The following KCNQ1 variants were observed in gnomAD, a reference collection of about 807,000 sequenced individuals.
The protein encoded by KCNQ1 is potassium voltage-gated channel subfamily KQT member 1.
A neutral mutation model predicts 72.4 loss-of-function variants in KCNQ1; 49 were observed. The ratio of observed to expected loss-of-function variants is 0.68; its 90% CI spans 0.54 to 0.86. The LOEUF (loss-of-function observed/expected upper bound fraction) is 0.86, where lower values mean the gene tolerates loss of function less well. Among genes scored for constraint, KCNQ1 ranks in the 40% least tolerant of loss-of-function variants. The probability of loss-of-function intolerance (pLI) is 0.00; values close to 1 mark genes in which losing one functional copy is unlikely to be tolerated. For synonymous variants in KCNQ1, 450 were observed against 412.6 expected, an observed-to-expected ratio of 1.09 and a Z score of -1.10; for missense variants, 790 against 945.1, an observed-to-expected ratio of 0.84 and a Z score of 2.15.
Position 2,653,850 on chromosome 11 carries a change from C to G in KCNQ1, c.1394-8111C>G. The G allele has an allele frequency of 2.5e-6, 1 of 398,576 alleles. No homozygotes were observed. Among genetic ancestry groups the G allele is most frequent in the Non-Finnish European group, 4.4e-6 (1 of 226,078 alleles). 24.7% of individuals were successfully genotyped at this position (398,576 alleles called of 1,614,324 possible). On this transcript the variant is annotated intron_variant, in intron 10 of 15. Transcript: ENST00000155840. The surrounding 1 kb of genome is among the most constrained non-coding windows in gnomAD (Gnocchi z 5.3). Reference sequence around the variant, plus strand: ...CCCCTTTGGGGATGGCCAGAGGGTACCTAAACACTGCACACTAGGAGTGGG... The same window carrying G: ...CCCCTTTGGGGATGGCCAGAGGGTAGCTAAACACTGCACACTAGGAGTGGG...
rs555961833 is a variant in KCNQ1 at position 2,808,294 on chromosome 11, C to T, written c.1794+30257C>T. Among the ~76,000 whole-genome samples, 3 of 152,310 alleles carry T rather than the reference C, an allele frequency of 2.0e-5. No homozygotes were observed. Among genetic ancestry groups the T allele is most frequent in the Admixed American group, 6.5e-5 (1 of 15,298 alleles). ...CCAGTGGAAGATAATGGAGGTGTTA[C>T]GGGGATGGGCTAGAACTCGGTCCTG... On this transcript the variant is annotated intron_variant, in intron 15 of 15. Coordinates refer to ENST00000155840, the MANE Select transcript of KCNQ1 (RefSeq NM_000218.3). This position sits in a 1 kb window ranked among gnomAD's most constrained non-coding sequence, Gnocchi z 6.0.
intron 1 of KCNQ1, among the ~76,000 whole-genome samples, chr11:2,506,538 T>C (rs1254036223): frequency 6.6e-6 from 1 of 152,240 alleles, no homozygotes; most frequent in African/African-American, 2.4e-5. Flanking sequence ...TCTATTGTAT[T>C]CTTGAAACAA....
chr11:2,617,909 C>A lies in KCNQ1; in HGVS notation c.1393+29055C>A. The A allele has an allele frequency of 2.5e-6, 1 of 398,508 alleles. No individual in the cohort carries two copies. The allele number at this position is 398,508 out of a possible 1,614,324, so 24.7% of individuals were successfully genotyped here. A position where few individuals can be genotyped will look rare whatever the true frequency, so the allele number is the denominator to read the frequency against. On this transcript the variant is annotated intron_variant, in intron 10 of 15. Transcript: ENST00000155840. This position sits in a 1 kb window ranked among gnomAD's most constrained non-coding sequence, Gnocchi z 4.6. ...TATTTTCTTGTTATTGAGTTGTATGCATTCCTTATAAATTTTGGATATTAT... is the reference window on the plus strand; with the variant it reads ...TATTTTCTTGTTATTGAGTTGTATGAATTCCTTATAAATTTTGGATATTAT...
In KCNQ1 at chr11:2,698,844, C is replaced by T. The variant is rs535445132; in HGVS notation, c.1514+36763C>T. ...TGAGGCCCTACCTAAAACCACCATG[C>T]GGACTCCAGACCCGGACTGACTGGG... On this transcript the variant is annotated intron_variant, in intron 11 of 15. Transcript: ENST00000155840. The surrounding 1 kb of genome is among the most constrained non-coding windows in gnomAD (Gnocchi z 5.1). 12 of 398,790 alleles carry T rather than the reference C, an allele frequency of 3.0e-5. No homozygotes were observed. The South Asian group carries it at 1.1e-3, about 38-fold the overall frequency. 24.7% of individuals were successfully genotyped at this position (398,790 alleles called of 1,614,324 possible).
intron 10 of KCNQ1, chr11:2,641,178 A>G (rs1849570873): frequency 2.5e-6 from 1 of 398,398 alleles, no homozygotes; most frequent in Non-Finnish European, 4.4e-6. Context: ...CTTTAGATAA[A>G]TATCCAGTAG....
rs1851071414 is a variant in KCNQ1 at position 2,715,177 on chromosome 11, CCA to C, written c.1514+53097_1514+53098del. ...TCCCATGAACCTCAGCATGGGCACC[CCA>C]TGCCACCCGCTCCATTTACAGCCAA... On this transcript the variant is annotated intron_variant, in intron 11 of 15. Transcript: ENST00000155840. The surrounding 1 kb of genome is among the most constrained non-coding windows in gnomAD (Gnocchi z 4.9). 6.6e-6 allele frequency among the ~76,000 whole-genome samples: 1 copy of C among 152,158 alleles called. No individual in the cohort carries two copies. The highest frequency in any genetic ancestry group is 1.5e-5 in the Non-Finnish European group (1 of 68,018).
chr11:2,634,115 C>T lies in KCNQ1; in HGVS notation c.1394-27846C>T, dbSNP rs1028748565. On this transcript the variant is annotated intron_variant, in intron 10 of 15. Coordinates refer to ENST00000155840, the MANE Select transcript of KCNQ1 (RefSeq NM_000218.3). ...TTTAAGGATTGTGTTTTTGCTATTT[C>T]GGTGAAGATTGTCTTTGGTATTTTT... is the stretch of plus-strand genomic sequence containing the variant. The T allele has an allele frequency of 4.3e-4, 170 of 391,630 alleles. No homozygotes were observed. Among genetic ancestry groups the T allele is most frequent in the Middle Eastern group, 1.3e-3 (2 of 1,572 alleles). The allele number at this position is 391,630 out of a possible 1,614,324, so 24.3% of individuals were successfully genotyped here.
rs957727416 is a variant in KCNQ1 at position 2,695,161 on chromosome 11, GCA to G, written c.1514+33083_1514+33084del. 5.3e-5 allele frequency: 21 copies of G among 398,496 alleles called. No individual in the cohort carries two copies. Among genetic ancestry groups the G allele is most frequent in the Non-Finnish European group, 9.3e-5 (21 of 226,106 alleles). The allele number at this position is 398,496 out of a possible 1,614,324, so 24.7% of individuals were successfully genotyped here. A position where few individuals can be genotyped will look rare whatever the true frequency, so the allele number is the denominator to read the frequency against. On this transcript the variant is annotated intron_variant, in intron 11 of 15. Transcript: ENST00000155840. This position sits in a 1 kb window ranked among gnomAD's most constrained non-coding sequence, Gnocchi z 5.2. ...GTTGGTTCTTGGCTTTTGGGACTCT[GCA>G]CAGAGTTGATCACAGCCCTCAGCCT...
At chr11:2,743,011 T>C (rs528311546) in intron 11 of KCNQ1, among the ~76,000 whole-genome samples, 3 of 152,300 alleles carry the variant, frequency 2.0e-5, no homozygotes, top group African/African-American at 7.2e-5. Flanking sequence ...GGAGAGCAGC[T>C]TTTTTGCCTG....
At chr11:2,633,596 T>C in intron 10 of KCNQ1, 2 of 398,608 alleles carry the variant, frequency 5.0e-6, no homozygotes, top group Non-Finnish European at 8.8e-6. Flanking sequence ...TATCCTGTTT[T>C]CCCAACATGA....
rs1453188792 is a variant in KCNQ1 at position 2,562,422 on chromosome 11, G to C, written c.478-8206G>C. 2.0e-5 allele frequency among the ~76,000 whole-genome samples: 3 copies of C among 152,184 alleles called. No individual in the cohort carries two copies. Among genetic ancestry groups the C allele is most frequent in the African/African-American group, 7.2e-5 (3 of 41,442 alleles). ...CCCGGAGCCGAGGCTGGCTCTCTCTGTGGCTTATCAGGGCCGGGCCGGTGT... is the reference window on the plus strand; with the variant it reads ...CCCGGAGCCGAGGCTGGCTCTCTCTCTGGCTTATCAGGGCCGGGCCGGTGT... On this transcript the variant is annotated intron_variant, in intron 2 of 15. Coordinates refer to ENST00000155840, the MANE Select transcript of KCNQ1 (RefSeq NM_000218.3). This position sits in a 1 kb window ranked among gnomAD's most constrained non-coding sequence, Gnocchi z 7.5.
intron 2 of KCNQ1, among the ~76,000 whole-genome samples, chr11:2,552,719 C>T (rs992273667): frequency 8.0e-5 from 12 of 150,186 alleles, no homozygotes; most frequent in African/African-American, 2.8e-4. Flanking sequence ...GCCTCATGCA[C>T]GTCTTAGTAA....
In KCNQ1 at chr11:2,626,942, T is replaced by C. The variant is rs1384102288; in HGVS notation, c.1394-35019T>C. On this transcript the variant is annotated intron_variant, in intron 10 of 15. Coordinates refer to ENST00000155840, the MANE Select transcript of KCNQ1 (RefSeq NM_000218.3). The surrounding 1 kb of genome is among the most constrained non-coding windows in gnomAD (Gnocchi z 4.0). ...TTCCATGTGAATTTTAGGATGGGGT[T>C]TCTTCTTTCTGCAAATAACATCATT... is the stretch of plus-strand genomic sequence containing the variant. The C allele has an allele frequency of 1.3e-5, 5 of 398,486 alleles. No homozygotes were observed. The highest frequency in any genetic ancestry group is 2.2e-5 in the Non-Finnish European group (5 of 226,068). 24.7% of individuals were successfully genotyped at this position (398,486 alleles called of 1,614,324 possible).
chr11:2,661,818 A>G lies in KCNQ1; in HGVS notation c.1394-143A>G. On this transcript the variant is annotated intron_variant, in intron 10 of 15. Transcript: ENST00000155840. The surrounding 1 kb of genome is among the most constrained non-coding windows in gnomAD (Gnocchi z 5.9). ...AAACACCCACCCACCCCAACACCCA[A>G]CTATAAAACTGATTGTCAGGGCTGG... The G allele has an allele frequency of 1.9e-6, 2 of 1,036,532 alleles. No individual in the cohort carries two copies. The highest frequency in any genetic ancestry group is 2.9e-6 in the Non-Finnish European group (2 of 681,420). 64.2% of individuals were successfully genotyped at this position (1,036,532 alleles called of 1,614,324 possible).
At chr11:2,660,489 T>C in intron 10 of KCNQ1, 1 of 398,630 alleles carries the variant, frequency 2.5e-6, no homozygotes, top group Non-Finnish European at 4.4e-6. Context: ...GGAAGCTATC[T>C]ATGCCTCATA....
chr11:2,583,133 G>A (rs1181875115), intron 6 of KCNQ1, among the ~76,000 whole-genome samples: 1 of 152,134 alleles, frequency 6.6e-6, no homozygotes, highest in African/African-American at 2.4e-5. Flanking sequence ...AGATGAGGCA[G>A]CCGGTGTGGG....
In KCNQ1 at chr11:2,559,062, G is replaced by T. The variant is rs1337479516; in HGVS notation, c.478-11566G>T. ...GTTACTCCCAGAGCTACGGACAAGG[G>T]GCAAGGTGGGGCTGGAGGCACCGGC... is the stretch of plus-strand genomic sequence containing the variant. On this transcript the variant is annotated intron_variant, in intron 2 of 15. Transcript: ENST00000155840. The surrounding 1 kb of genome is among the most constrained non-coding windows in gnomAD (Gnocchi z 4.9). 6.6e-6 allele frequency among the ~76,000 whole-genome samples: 1 copy of T among 151,692 alleles called. No homozygotes were observed. The highest frequency in any genetic ancestry group is 2.4e-5 in the African/African-American group (1 of 41,236).
rs957900999 is a variant in KCNQ1 at position 2,723,301 on chromosome 11, G to A, written c.1515-45543G>A. 3.9e-5 allele frequency among the ~76,000 whole-genome samples: 6 copies of A among 152,198 alleles called. No homozygotes were observed. The highest frequency in any genetic ancestry group is 9.7e-5 in the African/African-American group (4 of 41,442). On this transcript the variant is annotated intron_variant, in intron 11 of 15. Coordinates refer to ENST00000155840, the MANE Select transcript of KCNQ1 (RefSeq NM_000218.3). This position sits in a 1 kb window ranked among gnomAD's most constrained non-coding sequence, Gnocchi z 4.2. The stretch of plus-strand genomic sequence containing the variant: ...TTTACCGTTGGGGCAAGTGAGGGAC[G>A]AGGAGGCTCCGCAGCCTCCCCCGGG...
chr11:2,842,385 C>A (rs1848231541), intron 15 of KCNQ1, among the ~76,000 whole-genome samples: 1 of 152,210 alleles, frequency 6.6e-6, no homozygotes, highest in Admixed American at 6.5e-5. Context: ...GCCCAAGCAC[C>A]CAAGCCATGG....
Sources: gnomAD v4.1 joint callset for allele counts (sites outside exome capture counted in the v4.1 genomes callset) on GRCh38, gnomAD v4.1.1 for gene constraint, Gnocchi (gnomAD v3.1) non-coding constraint, MANE v1.5 for transcripts, NCBI Gene and HGNC (gene_info 2026-07-23, HGNC 2026-07-21) for gene names.